POU2F3: variants seen among roughly 807,000 people sequenced by gnomAD.
The protein encoded by POU2F3 is POU class 2 homeobox 3.
A neutral mutation model predicts 59.2 loss-of-function variants in POU2F3; 23 were observed. The ratio of observed to expected loss-of-function variants is 0.39; its 90% CI spans 0.28 to 0.55. The LOEUF is 0.55. Ranked by LOEUF, POU2F3 falls within the 20% of genes least tolerant of loss-of-function variation. The pLI is 0.66. For missense variants in POU2F3, 473 were observed against 544.5 expected (o/e 0.87, Z 1.31); for synonymous variants, 190 against 214.6 (o/e 0.89, Z 1.00).
At chr11:120,288,225 T>C (rs1295286214) in intron 3 of POU2F3, among the ~76,000 whole-genome samples, 1 of 149,570 alleles carries the variant, frequency 6.7e-6, no homozygotes, top group Non-Finnish European at 1.5e-5. Context: ...CCTGAGGGCA[T>C]GGTTGCTTTT....
intron 5 of POU2F3, 53 bp from the exon 6 acceptor site, chr11:120,302,233 C>T (rs1941367648): frequency 1.3e-6 from 2 of 1,491,560 alleles, no homozygotes; most frequent in East Asian, 4.5e-5. Context: ...ACATGTGTTT[C>T]AAATAGCCTG....
intron 2 of POU2F3, among the ~76,000 whole-genome samples, chr11:120,266,972 C>G (rs1003279638): frequency 2.0e-5 from 3 of 152,294 alleles, no homozygotes; most frequent in African/African-American, 7.2e-5. Context: ...GTTCTTTTGT[C>G]AAGTCTTTGA....
In POU2F3 at chr11:120,317,241, G is replaced by T. The variant is rs775084836; in HGVS notation, c.1148G>T (p.Cys383Phe). ...TCCTTATCCTCAGTAACGTCATCCT[G>T]TTCCCCTGGGAACAACAGCAGGCCT... ...STMPGTVTSSCSPGNNSRPSS... is the reference protein window; with the variant it reads ...STMPGTVTSSFSPGNNSRPSS... The change falls in exon 12 of 13, where the codon TGT becomes TTT. Residue 383 changes from cysteine (C) to phenylalanine (F), a missense_variant. By Grantham distance (205) the Cys-to-Phe change is radical. Transcript: ENST00000543440. 6.2e-7 allele frequency: 1 copy of T among 1,614,138 alleles called. No individual in the cohort carries two copies. Among genetic ancestry groups the T allele is most frequent in the South Asian group, 1.1e-5 (1 of 91,078 alleles).
chr11:120,257,037 G>A (rs1298346600), intron 2 of POU2F3: 5 of 152,262 alleles, frequency 3.3e-5, no homozygotes. Context: ...TAGGGTAGTT[G>A]TGAGGATTAA....
intron 2 of POU2F3, chr11:120,250,243 C>A (rs923214474): frequency 6.6e-6 from 1 of 152,242 alleles, no homozygotes; most frequent in Non-Finnish European, 1.5e-5. Context: ...TCCTCTGACA[C>A]CCACAGCTGT....
At chr11:120,313,705 T>C (rs1941712271) in intron 10 of POU2F3, among the ~76,000 whole-genome samples, 1 of 152,114 alleles carries the variant, frequency 6.6e-6, no homozygotes, top group Admixed American at 6.6e-5. Flanking sequence ...ACCAAATACA[T>C]TATCACTTAT....
intron 5 of POU2F3, among the ~76,000 whole-genome samples, chr11:120,299,978 G>A (rs1941302965): frequency 6.6e-6 from 1 of 152,120 alleles, no homozygotes; most frequent in Non-Finnish European, 1.5e-5. Context: ...TCAATTTCGT[G>A]GTGAGTGGAG....
intron 2 of POU2F3, among the ~76,000 whole-genome samples, chr11:120,250,633 G>A (rs905340512): frequency 6.6e-6 from 1 of 152,166 alleles, no homozygotes; most frequent in African/African-American, 2.4e-5. Flanking sequence ...AAAGATGGTG[G>A]TAGGAAGACT....
chr11:120,240,873 C>T (rs964475318), intron 1 of POU2F3, among the ~76,000 whole-genome samples: 1 of 152,080 alleles, frequency 6.6e-6, no homozygotes, highest in African/African-American at 2.4e-5. Flanking sequence ...TACAGAGGTG[C>T]CCCTGGGGCA....
intron 3 of POU2F3, among the ~76,000 whole-genome samples, chr11:120,286,747 C>A (rs114208755): frequency 0.024 from 3,598 of 152,064 alleles, 140 homozygotes; most frequent in African/African-American, 0.081. Flanking sequence ...TTTCATATTT[C>A]TAAGTAAAGG....
At chr11:120,314,548 G>T (rs551737745) in intron 10 of POU2F3, among the ~76,000 whole-genome samples, 185 of 152,278 alleles carry the variant, frequency 1.2e-3, no homozygotes, top group Middle Eastern at 3.4e-3. Flanking sequence ...TATAATGGAA[G>T]TATTGCTGCT....
At chr11:120,249,744 G>C (rs1215231696) in intron 2 of POU2F3, 1 of 152,136 alleles carries the variant, frequency 6.6e-6, no homozygotes, top group East Asian at 1.9e-4. Context: ...AACATTCACA[G>C]AGCCTCCTCC....
intron 6 of POU2F3, among the ~76,000 whole-genome samples, 181 bp from the exon 7 acceptor site, chr11:120,304,849 T>A (rs1392072854): frequency 6.8e-6 from 1 of 146,268 alleles, no homozygotes; most frequent in Non-Finnish European, 1.5e-5. Flanking sequence ...ATAGAAACTT[T>A]AATTTCCACT....
At chr11:120,269,064 C>G (rs555408995) in intron 2 of POU2F3, 146 bp from the exon 3 acceptor site, 65 of 583,538 alleles carry the variant, frequency 1.1e-4, no homozygotes, top group Admixed American at 2.2e-4. Context: ...GGAAACAGGT[C>G]GAGGAGGAGG....
chr11:120,279,211 G>A (rs1410038494), intron 3 of POU2F3, among the ~76,000 whole-genome samples: 4 of 152,004 alleles, frequency 2.6e-5, no homozygotes, highest in East Asian at 1.9e-4. Flanking sequence ...TGCTTGTCTC[G>A]GGAGGAGGCC....
At chr11:120,271,738 T>C (rs908339883) in intron 3 of POU2F3, among the ~76,000 whole-genome samples, 3 of 152,184 alleles carry the variant, frequency 2.0e-5, no homozygotes, top group African/African-American at 7.2e-5. Flanking sequence ...CTTTGTAGTA[T>C]GGTTTCCCCA....
chr11:120,297,764 A>G (rs1027621444), intron 3 of POU2F3, among the ~76,000 whole-genome samples: 1 of 151,898 alleles, frequency 6.6e-6, no homozygotes, highest in African/African-American at 2.4e-5. Context: ...CAGAATTTCT[A>G]AGAATTTAAT....
intron 9 of POU2F3, among the ~76,000 whole-genome samples, chr11:120,307,965 T>C (rs1941546345): frequency 6.6e-6 from 1 of 152,228 alleles, no homozygotes. Flanking sequence ...GGGGATTGTA[T>C]GTAAGTTCTC....
intron 3 of POU2F3, among the ~76,000 whole-genome samples, chr11:120,272,780 C>A (rs1940133275): frequency 6.6e-6 from 1 of 152,184 alleles, no homozygotes; most frequent in Non-Finnish European, 1.5e-5. Context: ...AACCCTCCAT[C>A]CCCAGGACAG....
Sources: gnomAD v4.1 joint callset for allele counts (sites outside exome capture counted in the v4.1 genomes callset) on GRCh38, gnomAD v4.1.1 for gene constraint, MANE v1.5 for transcripts, NCBI Gene and HGNC (gene_info 2026-07-23, HGNC 2026-07-21) for gene names.